The following ACTN1 variants were observed in gnomAD, a reference collection of about 807,000 sequenced individuals.
ACTN1 encodes actinin alpha 1, also known as alpha-actinin-1.
ACTN1 carries 30 observed loss-of-function variants against 119.6 expected under a neutral mutation model. The ratio of observed to expected loss-of-function variants is 0.25; its 90% CI spans 0.19 to 0.34. The LOEUF (loss-of-function observed/expected upper bound fraction) is 0.34, where lower values mean the gene tolerates loss of function less well. Ranked by LOEUF, ACTN1 falls within the 10% of genes least tolerant of loss-of-function variation. The pLI, the probability that ACTN1 is intolerant of heterozygous loss-of-function variation, is 1.00. For missense variants in ACTN1, 764 were observed against 1,223.4 expected (o/e 0.62, Z 5.60); for synonymous variants, 429 against 472.6 (o/e 0.91, Z 1.20).
intron 1 of ACTN1, chr14:68,973,831 C>G (rs998498114): frequency 1.3e-5 from 2 of 152,252 alleles, no homozygotes; most frequent in Non-Finnish European, 2.9e-5. Context: ...GGGGGCTGAC[C>G]CATCTGCCAG....
chr14:68,905,862 C>T (rs1050124232), intron 6 of ACTN1, among the ~76,000 whole-genome samples: 30 of 151,722 alleles, frequency 2.0e-4, no homozygotes, highest in African/African-American at 7.0e-4. Context: ...TGTGGTGGCA[C>T]GTCCCAGCTA....
chr14:68,901,171 A>G (rs57653482), intron 8 of ACTN1, among the ~76,000 whole-genome samples: 20,815 of 146,048 alleles, frequency 0.14, 1,615 homozygotes, highest in African/African-American at 0.19. Context: ...GGGAGAGGGC[A>G]GGGGCTCCCA....
intron 1 of ACTN1, among the ~76,000 whole-genome samples, chr14:68,942,999 A>G (rs1478586425): frequency 6.6e-6 from 1 of 152,162 alleles, no homozygotes; most frequent in East Asian, 1.9e-4. Flanking sequence ...AGGTTCCGCA[A>G]CACAAAGTTT....
chr14:68,894,800 T>C (rs571587298), intron 8 of ACTN1, among the ~76,000 whole-genome samples: 2 of 152,150 alleles, frequency 1.3e-5, no homozygotes, highest in South Asian at 4.2e-4. Flanking sequence ...GATTAACAGG[T>C]TGAAAGACAG....
At chr14:68,932,838 T>TCACCC in intron 1 of ACTN1, among the ~76,000 whole-genome samples, 1 of 152,264 alleles carries the variant, frequency 6.6e-6, no homozygotes, top group Non-Finnish European at 1.5e-5. Context: ...CACACCCTAG[T>TCACCC]TGCTGGTAAC....
intron 8 of ACTN1, among the ~76,000 whole-genome samples, chr14:68,897,047 A>G (rs2032930623): frequency 6.6e-6 from 1 of 152,202 alleles, no homozygotes; most frequent in East Asian, 1.9e-4. Context: ...CGATGGCACA[A>G]TCTCGGCTCA....
intron 10 of ACTN1, among the ~76,000 whole-genome samples, chr14:68,891,222 C>T (rs2032453420): frequency 6.6e-6 from 1 of 152,052 alleles, no homozygotes; most frequent in South Asian, 2.1e-4. Context: ...CAAAAAGCTG[C>T]GTCATGGCAA....
At chr14:68,936,890 C>T (rs896711200) in intron 1 of ACTN1, 5 of 572,240 alleles carry the variant, frequency 8.7e-6, no homozygotes, top group Admixed American at 5.7e-5. Flanking sequence ...GCCCTCAATC[C>T]CCAGCCCTCA....
chr14:68,973,615 C>T (rs1029384855), intron 1 of ACTN1, among the ~76,000 whole-genome samples: 4 of 152,176 alleles, frequency 2.6e-5, no homozygotes, highest in African/African-American at 4.8e-5. Context: ...AATACAGAAA[C>T]CTTGGTCATG....
chr14:68,882,470 C>G lies in ACTN1; in HGVS notation c.1941G>C (p.Gln647His). ...GCATGGGACCCACCTCCATCTTGGTCTGGATCCAGGGCCCGATGACATTGG... is the reference window on the plus strand; with the variant it reads ...GCATGGGACCCACCTCCATCTTGGTGTGGATCCAGGGCCCGATGACATTGG... ...AQANVIGPWI[Q>H]TKMEEIGRIS... The change falls in exon 16 of 22, where the codon CAG becomes CAC. Residue 647 changes from glutamine to histidine, a missense_variant. By Grantham distance (24) the Gln-to-His change is conservative. Transcript: ENST00000394419. The surrounding 1 kb of genome is among the most constrained non-coding windows in gnomAD (Gnocchi z 4.5). 1 of 1,614,184 alleles carries G rather than the reference C, an allele frequency of 6.2e-7. No homozygotes were observed. Among genetic ancestry groups the G allele is most frequent in the Non-Finnish European group, 8.5e-7 (1 of 1,180,014 alleles).
At chr14:68,950,652 C>A (rs1178312300) in intron 1 of ACTN1, among the ~76,000 whole-genome samples, 1 of 150,962 alleles carries the variant, frequency 6.6e-6, no homozygotes, top group Non-Finnish European at 1.5e-5. Context: ...AGCTCCGCCT[C>A]CCTGGTTCAC....
In ACTN1 at chr14:68,885,966, G is replaced by A. The variant is rs745385328; in HGVS notation, c.1235-391C>T. The A allele has an allele frequency of 1.0e-4, 19 of 183,502 alleles. No individual in the cohort carries two copies. Among genetic ancestry groups the A allele is most frequent in the Non-Finnish European group, 1.7e-4 (15 of 85,740 alleles). The allele number at this position is 183,502 out of a possible 1,614,324, so 11.4% of individuals were successfully genotyped here. Reference sequence around the variant, plus strand: ...TGCCTTTAGAATGTCCCCAGTTACCGTCACTGGCTGCCGGCAGCCCTGCAG... The same window carrying A: ...TGCCTTTAGAATGTCCCCAGTTACCATCACTGGCTGCCGGCAGCCCTGCAG... On this transcript the variant is annotated intron_variant, in intron 11 of 21. Coordinates refer to ENST00000394419, the MANE Select transcript of ACTN1 (RefSeq NM_001130004.2). The surrounding 1 kb of genome is among the most constrained non-coding windows in gnomAD (Gnocchi z 5.6).
intron 20 of ACTN1, chr14:68,877,528 AT>A (rs918579641): frequency 2.5e-6 from 1 of 401,824 alleles, no homozygotes; most frequent in African/African-American, 2.0e-5. Context: ...GCTGACACCT[AT>A]GTAGCATATC....
rs546053901 is a variant in ACTN1, at chr14:68,879,452, C to T, written c.2281-383G>A. ...GGCAGCACCCAAGCCCATGCTCCCA[C>T]GCCTTGGGACCGCCCGCAAGCCCCA... On this transcript the variant is annotated intron_variant, in intron 18 of 21. Coordinates refer to ENST00000394419, the MANE Select transcript of ACTN1 (RefSeq NM_001130004.2). This position sits in a 1 kb window ranked among gnomAD's most constrained non-coding sequence, Gnocchi z 4.9. Among the ~76,000 whole-genome samples the T allele has an allele frequency of 1.4e-4, 21 of 152,292 alleles. No individual in the cohort carries two copies. The East Asian group carries it at 1.7e-3, about 13-fold the overall frequency.
chr14:68,931,895 G>C (rs2035238199), intron 1 of ACTN1, among the ~76,000 whole-genome samples: 1 of 152,094 alleles, frequency 6.6e-6, no homozygotes, highest in Non-Finnish European at 1.5e-5. Context: ...CAAGGGCACT[G>C]GGGAAGGGAT....
intron 8 of ACTN1, among the ~76,000 whole-genome samples, chr14:68,897,184 G>A (rs767469190): frequency 2.2e-4 from 34 of 152,012 alleles, no homozygotes; most frequent in African/African-American, 4.8e-4. Context: ...GGGATTTCAC[G>A]GTGTTGGCCA....
rs387907349 is a variant in ACTN1 at position 68,880,030 on chromosome 14, G to A, written c.2212C>T (p.Arg738Trp). Residue 738 changes from arginine to tryptophan, a missense_variant, in exon 18 of 22, where the codon CGG becomes TGG. Arg to Trp is a moderately radical substitution (Grantham distance 101, BLOSUM62 -3). Coordinates refer to ENST00000394419, the MANE Select transcript of ACTN1 (RefSeq NM_001130004.2). This position sits in a 1 kb window ranked among gnomAD's most constrained non-coding sequence, Gnocchi z 4.6. ...INEVENQILT[R>W]DAKGISQEQM... ...TCCTGGCTGATGCCCTTGGCATCCC[G>A]GGTCAGGATCTGGTTCTCTACCTCA... 6.2e-7 allele frequency: 1 copy of A among 1,614,202 alleles called. No individual in the cohort carries two copies. Among genetic ancestry groups the A allele is most frequent in the Non-Finnish European group, 8.5e-7 (1 of 1,180,012 alleles).
chr14:68,911,227 G>A (rs1201614080), intron 4 of ACTN1, among the ~76,000 whole-genome samples: 4 of 152,152 alleles, frequency 2.6e-5, no homozygotes, highest in Non-Finnish European at 5.9e-5. Flanking sequence ...TAAGCTCTTC[G>A]TCAGCTAAAT....
chr14:68,877,356 C>A, intron 20 of ACTN1, 116 bp from the exon 21 acceptor site: 7 of 1,299,422 alleles, frequency 5.4e-6, no homozygotes, highest in Non-Finnish European at 7.4e-6. Context: ...AAGGGCACAT[C>A]CCCCTGACCT....
Sources: gnomAD v4.1 joint callset for allele counts (sites outside exome capture counted in the v4.1 genomes callset) on GRCh38, gnomAD v4.1.1 for gene constraint, Gnocchi (gnomAD v3.1) non-coding constraint, MANE v1.5 for transcripts, NCBI Gene and HGNC (gene_info 2026-07-23, HGNC 2026-07-21) for gene names.